USP37: variants seen among roughly 807,000 people sequenced by gnomAD.
USP37 encodes the protein ubiquitin specific peptidase 37.
USP37 carries 27 observed loss-of-function variants against 124.0 expected under a neutral mutation model. That is an observed-to-expected ratio of 0.22 (90% CI 0.16 to 0.30). The LOEUF (loss-of-function observed/expected upper bound fraction) is 0.30, where lower values mean the gene tolerates loss of function less well. Ranked by LOEUF, USP37 falls within the 10% of genes least tolerant of loss-of-function variation. USP37 has a pLI of 1.00. For synonymous variants in USP37, 365 were observed against 388.0 expected (o/e 0.94, Z 0.70); for missense variants, 889 against 1,140.4 (o/e 0.78, Z 3.17).
intron 11 of USP37, among the ~76,000 whole-genome samples, chr2:218,508,127 C>T (rs1320485734): frequency 6.6e-6 from 1 of 152,154 alleles, no homozygotes; most frequent in Non-Finnish European, 1.5e-5. Flanking sequence ...GGTATTGTCT[C>T]CTAGCAATGC....
chr2:218,469,024 T>C (rs1254170138), intron 20 of USP37, among the ~76,000 whole-genome samples: 2 of 152,202 alleles, frequency 1.3e-5, no homozygotes, highest in African/African-American at 4.8e-5. Flanking sequence ...GTGGCACAGG[T>C]AACCCTGAAG....
At chr2:218,463,962 TCTC>T (rs2106409542) in intron 21 of USP37, among the ~76,000 whole-genome samples, 1 of 151,204 alleles carries the variant, frequency 6.6e-6, no homozygotes, top group African/African-American at 2.4e-5. Flanking sequence ...TTCAAGCGAT[TCTC>T]CTGTCTCAGC....
At chr2:218,534,383 A>C (rs569266955) in intron 9 of USP37, among the ~76,000 whole-genome samples, 1 of 152,128 alleles carries the variant, frequency 6.6e-6, no homozygotes, top group African/African-American at 2.4e-5. Context: ...CAGCTACTTG[A>C]GAGGCTGAGG....
intron 11 of USP37, among the ~76,000 whole-genome samples, chr2:218,503,377 C>T (rs1433052316): frequency 2.0e-5 from 3 of 152,188 alleles, no homozygotes; most frequent in Non-Finnish European, 4.4e-5. Context: ...ATTTTTAAGG[C>T]TGTAAAAAAA....
At chr2:218,457,022 G>T in intron 24 of USP37, 70 bp downstream of exon 24, 1 of 1,434,942 alleles carries the variant, frequency 7.0e-7, no homozygotes, top group South Asian at 1.2e-5. Flanking sequence ...GCTAGGCAAA[G>T]AGCAATATAA....
rs2106064221 is a variant in USP37 at position 218,562,712 on chromosome 2, A to G, written c.-128T>C. ...TACCGAAAAACCCTATGTAATAGCA[A>G]TTCACCTTTATTCTGATCCTTGTGC... On this transcript the variant is annotated 5_prime_UTR_variant, in exon 2 of 26. Transcript: ENST00000258399. 2.5e-6 allele frequency: 1 copy of G among 398,596 alleles called. No homozygotes were observed. Among genetic ancestry groups the G allele is most frequent in the Non-Finnish European group, 4.4e-6 (1 of 226,066 alleles). 24.7% of individuals were successfully genotyped at this position (398,596 alleles called of 1,614,324 possible).
chr2:218,478,383 T>TA (rs1487475377), intron 18 of USP37, among the ~76,000 whole-genome samples: 1 of 152,188 alleles, frequency 6.6e-6, no homozygotes, highest in East Asian at 1.9e-4. Context: ...TTTACCCAGA[T>TA]AAATATTTTG....
At chr2:218,511,537 T>C (rs1689996491) in intron 10 of USP37, among the ~76,000 whole-genome samples, 1 of 152,124 alleles carries the variant, frequency 6.6e-6, no homozygotes, top group Non-Finnish European at 1.5e-5. Flanking sequence ...CTCGAACTCC[T>C]GACCTCAGGT....
chr2:218,553,083 T>A (rs1400868601), intron 5 of USP37, among the ~76,000 whole-genome samples: 1 of 152,270 alleles, frequency 6.6e-6, no homozygotes, highest in Non-Finnish European at 1.5e-5. Flanking sequence ...TTTCCTTTTC[T>A]TGCCTAATGG....
rs531785489 is a variant in USP37, at chr2:218,545,423, T to C, written c.680+798A>G. On this transcript the variant is annotated intron_variant, in intron 8 of 25. Coordinates refer to ENST00000258399, the MANE Select transcript of USP37 (RefSeq NM_020935.3). ...ATGGAGGCTGCTTATTAATTAAGGA[T>C]GGCAGAACAACAAGACAGAAAGAAT... Among the ~76,000 whole-genome samples, 81 of 152,316 alleles carry C rather than the reference T, an allele frequency of 5.3e-4. No homozygotes were observed. The South Asian group carries it at 0.017, about 31-fold the overall frequency.
intron 4 of USP37, among the ~76,000 whole-genome samples, chr2:218,556,503 GTTTTTTTTT>G (rs34907421): frequency 2.4e-4 from 13 of 53,826 alleles, no homozygotes; most frequent in East Asian, 1.4e-3. Flanking sequence ...GGGTTTTTCT[GTTTTTTTTT>G]TTTTTTTTTT....
chr2:218,503,892 T>A (rs1204527433), intron 11 of USP37, among the ~76,000 whole-genome samples: 1 of 152,152 alleles, frequency 6.6e-6, no homozygotes, highest in Non-Finnish European at 1.5e-5. Context: ...AGACTTAAAC[T>A]CAGCCTTATC....
intron 21 of USP37, among the ~76,000 whole-genome samples, 164 bp from the exon 22 acceptor site, chr2:218,463,530 CTTTTTT>C (rs778154896): frequency 9.1e-5 from 9 of 99,096 alleles, no homozygotes; most frequent in African/African-American, 3.5e-4. Context: ...AAGTTCTTTA[CTTTTTT>C]TTTTTTTTTT....
chr2:218,531,739 A>G (rs1691338325), intron 9 of USP37, among the ~76,000 whole-genome samples: 1 of 152,246 alleles, frequency 6.6e-6, no homozygotes, highest in African/African-American at 2.4e-5. Context: ...CAACCATAAC[A>G]GGAGTTTGGA....
Position 218,485,816 on chromosome 2 carries a change from A to C in USP37, c.1591-73T>G, listed in dbSNP as rs1691530258. ...ATCTTAAATGCAAATAATTTGCTCTAGTCTTATTAGTTCCATTAGTGGAAT... is the reference window on the plus strand; with the variant it reads ...ATCTTAAATGCAAATAATTTGCTCTCGTCTTATTAGTTCCATTAGTGGAAT... On this transcript the variant is annotated intron_variant, in intron 15 of 25. Coordinates refer to ENST00000258399, the MANE Select transcript of USP37 (RefSeq NM_020935.3). The C allele has an allele frequency of 3.1e-5, 46 of 1,486,198 alleles. No homozygotes were observed. In the South Asian group the frequency reaches 5.7e-4, roughly 18 times the overall value. The allele number at this position is 1,486,198 out of a possible 1,614,324, so 92.1% of individuals were successfully genotyped here.
At chr2:218,500,484 TG>T (rs1490960019) in intron 11 of USP37, among the ~76,000 whole-genome samples, 1 of 151,618 alleles carries the variant, frequency 6.6e-6, no homozygotes, top group Non-Finnish European at 1.5e-5. Context: ...CTTGAACTCC[TG>T]ATCTGCCCGC....
chr2:218,543,551 G>A (rs1276455326), intron 8 of USP37, among the ~76,000 whole-genome samples: 1 of 142,034 alleles, frequency 7.0e-6, no homozygotes, highest in Non-Finnish European at 1.5e-5. Context: ...GGTGGCTCAT[G>A]CCTGTAATCC....
chr2:218,565,064 G>C (rs951510579), intron 1 of USP37, among the ~76,000 whole-genome samples: 1 of 152,156 alleles, frequency 6.6e-6, no homozygotes, highest in Non-Finnish European at 1.5e-5. Flanking sequence ...TAGGACTACA[G>C]GCACATGCCA....
At chr2:218,534,772 A>T in intron 8 of USP37, 66 bp from the exon 9 acceptor site, 1 of 1,067,096 alleles carries the variant, frequency 9.4e-7, no homozygotes, top group East Asian at 2.9e-5. Context: ...AATTTTAAAT[A>T]GTTGTCATTA....
Sources: allele counts gnomAD v4.1 joint callset (sites outside exome capture counted in the v4.1 genomes callset), GRCh38; gene constraint gnomAD v4.1.1; transcripts MANE v1.5; gene names NCBI Gene and HGNC (gene_info 2026-07-23, HGNC 2026-07-21).